MBD5: variants seen among roughly 807,000 people sequenced by gnomAD.
The protein encoded by MBD5 is methyl-CpG binding domain protein 5.
In MBD5, 13 loss-of-function variants were observed where a neutral mutation model predicts 117.3. The observed-to-expected ratio is 0.11, with a 90% confidence interval of 0.07 to 0.18. The LOEUF (loss-of-function observed/expected upper bound fraction) is 0.18. MBD5 is among the 10% of genes least tolerant of loss of function. The probability of loss-of-function intolerance (pLI) is 1.00; values close to 1 mark genes in which losing one functional copy is unlikely to be tolerated. For missense variants in MBD5, 1,879 were observed against 2,093.8 expected (o/e 0.90, Z 2.00); for synonymous variants, 727 against 766.4 (o/e 0.95, Z 0.85).
chr2:148,140,496 T>C (rs78052877), intron 1 of MBD5, among the ~76,000 whole-genome samples: 1,869 of 152,318 alleles, frequency 0.012, 44 homozygotes, highest in African/African-American at 0.042. Context: ...CCCATTTAGT[T>C]AATCTCTTGA....
At chr2:148,243,430 C>T (rs1364361462) in intron 3 of MBD5, among the ~76,000 whole-genome samples, 1 of 151,852 alleles carries the variant, frequency 6.6e-6, no homozygotes, top group Non-Finnish European at 1.5e-5. Context: ...AATAAATTAC[C>T]TAAGGTTATA....
Position 148,228,022 on chromosome 2 carries a change from T to C in MBD5, c.-830-5223T>C, listed in dbSNP as rs142491076. On this transcript the variant is annotated intron_variant, in intron 2 of 13. Transcript: ENST00000642680. ...AAGGAGATTTTGGGCTGAGACAATG[T>C]GGTTTTCTAGATATACAATCATGTC... Among the ~76,000 whole-genome samples the C allele has an allele frequency of 6.1e-3, 935 of 152,288 alleles. 9 individuals carry two copies. Among genetic ancestry groups the C allele is most frequent in the African/African-American group, 0.021 (873 of 41,558 alleles).
chr2:148,209,402 A>C (rs1699366907), intron 2 of MBD5, among the ~76,000 whole-genome samples: 1 of 152,158 alleles, frequency 6.6e-6, no homozygotes, highest in Non-Finnish European at 1.5e-5. Context: ...CTGCCATTTG[A>C]GGACACAAAA....
At chr2:148,058,135 G>T (rs1480607321) in intron 1 of MBD5, among the ~76,000 whole-genome samples, 4 of 151,826 alleles carry the variant, frequency 2.6e-5, no homozygotes, top group Non-Finnish European at 5.9e-5. Flanking sequence ...TTCATTTGGG[G>T]TCTGCATTTT....
chr2:148,245,882 A>T (rs918407065), intron 3 of MBD5, among the ~76,000 whole-genome samples: 3 of 152,148 alleles, frequency 2.0e-5, no homozygotes, highest in African/African-American at 7.2e-5. Context: ...TTGCTAATTT[A>T]ATTTCTTACT....
intron 4 of MBD5, among the ~76,000 whole-genome samples, chr2:148,413,323 A>G (rs1265187013): frequency 6.6e-6 from 1 of 152,124 alleles, no homozygotes; most frequent in Non-Finnish European, 1.5e-5. Context: ...TTAATTTATC[A>G]TGGTGGATTA....
intron 1 of MBD5, among the ~76,000 whole-genome samples, chr2:148,033,531 T>A (rs1446618547): frequency 1.3e-5 from 2 of 152,214 alleles, no homozygotes; most frequent in Non-Finnish European, 2.9e-5. Flanking sequence ...CTGTATTAAG[T>A]AATTAACAAT....
At chr2:148,481,751 C>G (rs960120755) in intron 8 of MBD5, 3 of 152,076 alleles carry the variant, frequency 2.0e-5, no homozygotes, top group Non-Finnish European at 4.4e-5. Context: ...GCAGGCTGTA[C>G]CCCGAGAGAT....
chr2:148,226,664 T>C (rs1277883393), intron 2 of MBD5, among the ~76,000 whole-genome samples: 1 of 152,156 alleles, frequency 6.6e-6, no homozygotes, highest in Non-Finnish European at 1.5e-5. Context: ...TATTTCTAGT[T>C]CTAGATCCCT....
chr2:148,364,555 C>CA (rs1321339758), intron 4 of MBD5, among the ~76,000 whole-genome samples: 2 of 152,014 alleles, frequency 1.3e-5, no homozygotes, highest in African/African-American at 4.8e-5. Flanking sequence ...GCAAATCGGA[C>CA]AAAGTGTCAA....
chr2:148,128,849 G>T (rs1451662939), intron 1 of MBD5, among the ~76,000 whole-genome samples: 1 of 152,104 alleles, frequency 6.6e-6, no homozygotes, highest in Non-Finnish European at 1.5e-5. Context: ...AAAAGTACTG[G>T]ATTTCATGTG....
intron 1 of MBD5, among the ~76,000 whole-genome samples, chr2:148,169,618 A>G (rs1271966409): frequency 6.6e-6 from 1 of 152,186 alleles, no homozygotes; most frequent in Admixed American, 6.5e-5. Flanking sequence ...ACATTTTTAG[A>G]AAATGCTTGT....
intron 1 of MBD5, among the ~76,000 whole-genome samples, chr2:148,118,563 T>C (rs1696694365): frequency 6.6e-6 from 1 of 151,518 alleles, no homozygotes; most frequent in Non-Finnish European, 1.5e-5. Context: ...GAGCTATGAC[T>C]GTGGCTCTAC....
rs771549746 is a variant in MBD5 at position 148,361,395 on chromosome 2, T to C, written c.-557+19059T>C. On this transcript the variant is annotated intron_variant, in intron 4 of 13. Transcript: ENST00000642680. Reference sequence around the variant, plus strand: ...AAAAAAAACGTGTTGGATTTACAGATTTCTTTTCAGTACATATTCTTCTGA... The same window carrying C: ...AAAAAAAACGTGTTGGATTTACAGACTTCTTTTCAGTACATATTCTTCTGA... Among the ~76,000 whole-genome samples, 116 of 152,064 alleles carry C rather than the reference T, an allele frequency of 7.6e-4. 1 individual carries two copies. Among genetic ancestry groups the C allele is most frequent in the Non-Finnish European group, 1.5e-3 (104 of 68,010 alleles).
rs549201311 is a variant in MBD5 at position 148,308,896 on chromosome 2, T to C, written c.-679-33318T>C. 2.0e-5 allele frequency among the ~76,000 whole-genome samples: 3 copies of C among 152,286 alleles called. No homozygotes were observed. In the South Asian group the frequency reaches 6.2e-4, roughly 32 times the overall value. On this transcript the variant is annotated intron_variant, in intron 3 of 13. Transcript: ENST00000642680. ...TGGCTAGCCAGTTTTCCTAACAACATTTATTAAATAGGGAATCCTTTCCCC... is the reference window on the plus strand; with the variant it reads ...TGGCTAGCCAGTTTTCCTAACAACACTTATTAAATAGGGAATCCTTTCCCC...
Position 148,021,394 on chromosome 2 carries a change from T to C in MBD5, c.-1215T>C. ...CCTCCCTCCCTCCACCCTCCTCCTC[T>C]TTGGCCGTGAGAGGAGGAGAGAAAG... On this transcript the variant is annotated 5_prime_UTR_variant, in exon 1 of 14. Coordinates refer to ENST00000642680, the MANE Select transcript of MBD5 (RefSeq NM_001378120.1). 1 of 475,326 alleles carries C rather than the reference T, an allele frequency of 2.1e-6. No individual in the cohort carries two copies. The highest frequency in any genetic ancestry group is 2.0e-5 in the African/African-American group (1 of 50,492). The allele number at this position is 475,326 out of a possible 1,614,324, so 29.4% of individuals were successfully genotyped here. A position where few individuals can be genotyped will look rare whatever the true frequency, so the allele number is the denominator to read the frequency against.
chr2:148,216,585 A>G (rs1699561149), intron 2 of MBD5, among the ~76,000 whole-genome samples: 1 of 152,254 alleles, frequency 6.6e-6, no homozygotes, highest in Non-Finnish European at 1.5e-5. Flanking sequence ...GGCTACTTAT[A>G]TAAAGACAGT....
chr2:148,035,285 ATAG>A (rs1694159087), intron 1 of MBD5, among the ~76,000 whole-genome samples: 1 of 152,190 alleles, frequency 6.6e-6, no homozygotes, highest in East Asian at 1.9e-4. Context: ...ACTATTAGTA[ATAG>A]TAGAAGGCGA....
At chr2:148,048,141 T>C (rs1405539486) in intron 1 of MBD5, among the ~76,000 whole-genome samples, 2 of 152,182 alleles carry the variant, frequency 1.3e-5, no homozygotes, top group African/African-American at 4.8e-5. Context: ...CTGTAAAGCA[T>C]CATTTTACCT....
Sources: allele counts gnomAD v4.1 joint callset (sites outside exome capture counted in the v4.1 genomes callset), GRCh38; gene constraint gnomAD v4.1.1; transcripts MANE v1.5; gene names NCBI Gene and HGNC (gene_info 2026-07-23, HGNC 2026-07-21).